Variants in BTRC observed in about 807,000 individuals in gnomAD.
The protein encoded by BTRC is beta-transducin repeat containing E3 ubiquitin protein ligase, also known as F-box/WD repeat-containing protein 1A.
In BTRC, 42 loss-of-function variants were observed where a neutral mutation model predicts 85.5. The ratio of observed to expected loss-of-function variants is 0.49; its 90% CI spans 0.38 to 0.64. BTRC has a LOEUF of 0.64. BTRC is among the 30% of genes least tolerant of loss of function. The probability of loss-of-function intolerance (pLI) is 0.00; values close to 1 mark genes in which losing one functional copy is unlikely to be tolerated. For missense variants in BTRC, 594 were observed against 743.5 expected (o/e 0.80, Z 2.34); for synonymous variants, 255 against 263.3 (o/e 0.97, Z 0.30).
Position 101,532,789 on chromosome 10 carries a change from T to TGTGTGTGC in BTRC, c.979-162_979-161insTGTGTGCG, listed in dbSNP as rs57980548. 8.3e-3 allele frequency among the ~76,000 whole-genome samples: 647 copies of TGTGTGTGC among 78,226 alleles called. 6 individuals are homozygous for TGTGTGTGC. The highest frequency in any genetic ancestry group is 0.011 in the Admixed American group (86 of 8,108). The allele number at this position is 78,226 out of a possible 152,430, so 51.3% of individuals were successfully genotyped here. ...GTGTGTGTGTGTGTGTGTGTGTGTG[T>TGTGTGTGC]GCGCGTGTGCGCGCGCGCGCGCTTA... On this transcript the variant is annotated intron_variant, in intron 8 of 14. Transcript: ENST00000370187.
At chr10:101,463,715 A>T (rs1225391495) in intron 3 of BTRC, among the ~76,000 whole-genome samples, 1 of 152,208 alleles carries the variant, frequency 6.6e-6, no homozygotes, top group Admixed American at 6.5e-5. Context: ...TAGAGAGGTT[A>T]GATGACTTGT....
intron 1 of BTRC, among the ~76,000 whole-genome samples, chr10:101,357,852 A>G (rs1357162512): frequency 6.6e-6 from 1 of 152,252 alleles, no homozygotes; most frequent in South Asian, 2.1e-4. Context: ...TAACTTTTAA[A>G]AACAAATAAA....
chr10:101,410,936 C>T (rs1297529674), intron 1 of BTRC, among the ~76,000 whole-genome samples: 1 of 147,830 alleles, frequency 6.8e-6, no homozygotes, highest in African/African-American at 2.5e-5. Context: ...AAATTGCTTA[C>T]TTTTTAAAAA....
rs144118963 is a variant in BTRC at position 101,504,231 on chromosome 10, G to A, written c.325-17408G>A. Among the ~76,000 whole-genome samples, 8 of 152,240 alleles carry A rather than the reference G, an allele frequency of 5.3e-5. No individual in the cohort carries two copies. The East Asian group carries it at 5.8e-4, about 11-fold the overall frequency. ...CCAGACAATTAAACTTTATTACTCC[G>A]CCTGAAACATTAAGTAGTGGTTTTA... is the stretch of plus-strand genomic sequence containing the variant. On this transcript the variant is annotated intron_variant, in intron 4 of 14. Coordinates refer to ENST00000370187, the MANE Select transcript of BTRC (RefSeq NM_033637.4).
chr10:101,547,333 T>TC (rs199560320), intron 13 of BTRC, among the ~76,000 whole-genome samples: 5,922 of 133,922 alleles, frequency 0.044, 210 homozygotes, highest in Middle Eastern at 0.11. Flanking sequence ...TTTTTCTTTT[T>TC]TTTTTTTTTT....
intron 4 of BTRC, among the ~76,000 whole-genome samples, chr10:101,519,074 C>CTTTTTT (rs35213665): frequency 6.7e-5 from 7 of 104,948 alleles, no homozygotes; most frequent in East Asian, 2.6e-4. Context: ...CTCTTCTCAG[C>CTTTTTT]TTTTTTTTTT....
chr10:101,441,547 C>G (rs1193795434), intron 2 of BTRC, among the ~76,000 whole-genome samples: 2 of 152,150 alleles, frequency 1.3e-5, no homozygotes, highest in African/African-American at 4.8e-5. Context: ...AATCAAACTT[C>G]TTGAAGCATC....
intron 1 of BTRC, among the ~76,000 whole-genome samples, chr10:101,356,222 A>C (rs1461766669): frequency 6.6e-6 from 1 of 152,064 alleles, no homozygotes; most frequent in Non-Finnish European, 1.5e-5. Flanking sequence ...GGATGGTCTC[A>C]TCTCCTGACC....
chr10:101,533,178 G>C, intron 9 of BTRC, 108 bp downstream of exon 9: 3 of 673,164 alleles, frequency 4.5e-6, no homozygotes, highest in Non-Finnish European at 2.4e-6. Context: ...AACTAAAGAA[G>C]AATAAACCAC....
chr10:101,354,567 C>G (rs1162385447), intron 1 of BTRC: 1 of 342,276 alleles, frequency 2.9e-6, no homozygotes, highest in African/African-American at 2.2e-5. Flanking sequence ...TGGAGAAACG[C>G]CGTGAGGCCG....
intron 1 of BTRC, among the ~76,000 whole-genome samples, chr10:101,368,812 A>C (rs1942550438): frequency 6.6e-6 from 1 of 152,046 alleles, no homozygotes; most frequent in Admixed American, 6.6e-5. Context: ...TGAGGCCAGG[A>C]GTTCGAGTCT....
chr10:101,526,518 G>A (rs931857397), intron 6 of BTRC, among the ~76,000 whole-genome samples: 5 of 152,216 alleles, frequency 3.3e-5, no homozygotes, highest in African/African-American at 4.8e-5. Context: ...GTGCGTTCAC[G>A]CCTGCAATCC....
chr10:101,532,611 T>C (rs2062303026), intron 8 of BTRC, among the ~76,000 whole-genome samples, 179 bp downstream of exon 8: 3 of 152,158 alleles, frequency 2.0e-5, no homozygotes, highest in Non-Finnish European at 2.9e-5. Flanking sequence ...TTCCCCACTA[T>C]ACAAACGGGT....
chr10:101,532,330 T>C lies in BTRC; in HGVS notation c.876T>C (p.Ser292=), dbSNP rs753213291. The C allele has an allele frequency of 6.2e-7, 1 of 1,613,658 alleles. No individual in the cohort carries two copies. Among genetic ancestry groups the C allele is most frequent in the Non-Finnish European group, 8.5e-7 (1 of 1,179,848 alleles). The part of the protein sequence containing the change: ...IESNWRCGRH[S]LQRIHCRSET... ...CTAATTGGAGATGTGGAAGACATAG[T>C]TTACAGAGAATTCACTGCCGAAGTG... The change falls in exon 8 of 15, where the codon AGT becomes AGC. Residue 292 remains serine, a synonymous_variant. Transcript: ENST00000370187.
At chr10:101,482,207 G>C (rs901966944) in intron 4 of BTRC, among the ~76,000 whole-genome samples, 1 of 151,940 alleles carries the variant, frequency 6.6e-6, no homozygotes, top group Non-Finnish European at 1.5e-5. Context: ...TTTAAGTAGA[G>C]ACAGGGTTTC....
chr10:101,399,087 G>A (rs1467669804), intron 1 of BTRC, among the ~76,000 whole-genome samples: 1 of 152,066 alleles, frequency 6.6e-6, no homozygotes, highest in Non-Finnish European at 1.5e-5. Context: ...TGAGTAACTG[G>A]GACTACAGGC....
At chr10:101,523,137 G>A (rs1404134578) in intron 5 of BTRC, among the ~76,000 whole-genome samples, 4 of 152,160 alleles carry the variant, frequency 2.6e-5, no homozygotes, top group African/African-American at 9.7e-5. Context: ...CCAGGAGGCA[G>A]AGGTTGCAGT....
chr10:101,463,324 A>G (rs1335569167), intron 3 of BTRC, among the ~76,000 whole-genome samples: 1 of 151,978 alleles, frequency 6.6e-6, no homozygotes, highest in Non-Finnish European at 1.5e-5. Flanking sequence ...GATTACAGGC[A>G]TGAGCCACTG....
At chr10:101,479,139 C>T (rs1945771134) in intron 3 of BTRC, among the ~76,000 whole-genome samples, 1 of 152,144 alleles carries the variant, frequency 6.6e-6, no homozygotes, top group East Asian at 1.9e-4. Context: ...ATCATTAATA[C>T]AGTGAAGCCA....
Sources: allele counts gnomAD v4.1 joint callset (sites outside exome capture counted in the v4.1 genomes callset), GRCh38; gene constraint gnomAD v4.1.1; transcripts MANE v1.5; gene names NCBI Gene and HGNC (gene_info 2026-07-23, HGNC 2026-07-21).